Variants in ASXL2 observed in about 807,000 individuals in gnomAD.
ASXL2 encodes the protein putative Polycomb group protein ASXL2.
In ASXL2, 23 loss-of-function variants were observed where a neutral mutation model predicts 122.0. The observed-to-expected ratio is 0.19, with a 90% CI of 0.14 to 0.27. The LOEUF is 0.27. ASXL2 is among the 10% of genes least tolerant of loss of function. The pLI is 1.00. For missense variants in ASXL2, 1,518 were observed against 1,713.8 expected, an observed-to-expected ratio of 0.89 and a Z score of 2.02; for synonymous variants, 650 against 637.0, an observed-to-expected ratio of 1.02 and a Z score of -0.31.
chr2:25,739,493 T>C lies in ASXL2; in HGVS notation c.*2536A>G, dbSNP rs2087792289. On this transcript the variant is annotated 3_prime_UTR_variant, in exon 13 of 13. Transcript: ENST00000435504. ...AAGTTACTACCCAACTGAGAGAACT[T>C]AACTGTTCTCTTGTCTGGTCAAGAT... is the stretch of plus-strand genomic sequence containing the variant. The C allele has an allele frequency of 5.3e-6, 1 of 187,892 alleles. No individual in the cohort carries two copies. Among genetic ancestry groups the C allele is most frequent in the Non-Finnish European group, 1.1e-5 (1 of 89,046 alleles). 11.6% of individuals were successfully genotyped at this position (187,892 alleles called of 1,614,324 possible).
intron 3 of ASXL2, among the ~76,000 whole-genome samples, chr2:25,814,070 A>T (rs1029837794): frequency 4.6e-5 from 7 of 152,322 alleles, no homozygotes; most frequent in South Asian, 2.1e-4. Flanking sequence ...AAATAAAAAA[A>T]AAAGAATAAC....
In ASXL2 at chr2:25,734,102, T is replaced by G. The variant is rs1387447390; in HGVS notation, c.*7927A>C. The stretch of plus-strand genomic sequence containing the variant: ...AGGTCAAAGCACTTACAGCTAAGTG[T>G]TTTTTTTTCTTTCAAATTTCTAGAG... On this transcript the variant is annotated 3_prime_UTR_variant, in exon 13 of 13. Coordinates refer to ENST00000435504, the MANE Select transcript of ASXL2 (RefSeq NM_018263.6). 1.3e-5 allele frequency: 2 copies of G among 149,902 alleles called. No homozygotes were observed. Among genetic ancestry groups the G allele is most frequent in the Non-Finnish European group, 1.5e-5 (1 of 67,078 alleles). 9.3% of individuals were successfully genotyped at this position (149,902 alleles called of 1,614,324 possible).
chr2:25,786,390 GC>G (rs2088747159), intron 5 of ASXL2, among the ~76,000 whole-genome samples: 1 of 151,804 alleles, frequency 6.6e-6, no homozygotes, highest in Non-Finnish European at 1.5e-5. Context: ...ACAGGCGCAT[GC>G]CACCACGCCC....
chr2:25,750,781 G>A (rs922435533), intron 11 of ASXL2, among the ~76,000 whole-genome samples: 4 of 152,180 alleles, frequency 2.6e-5, no homozygotes, highest in Admixed American at 2.6e-4. Context: ...TATTACTTCT[G>A]CTTATAGAGG....
intron 11 of ASXL2, among the ~76,000 whole-genome samples, chr2:25,750,855 C>A (rs1163637869): frequency 1.3e-5 from 2 of 152,170 alleles, no homozygotes; most frequent in Non-Finnish European, 2.9e-5. Flanking sequence ...AAGCCCAAGA[C>A]CCTTCCACCC....
chr2:25,817,528 TTTCACTGA>T (rs1424139499), intron 3 of ASXL2, among the ~76,000 whole-genome samples: 1 of 152,214 alleles, frequency 6.6e-6, no homozygotes, highest in Non-Finnish European at 1.5e-5. Context: ...TGTACATTTT[TTTCACTGA>T]TTAATTTAAT....
At chr2:25,808,162 T>C (rs2089112907) in intron 3 of ASXL2, among the ~76,000 whole-genome samples, 2 of 152,242 alleles carry the variant, frequency 1.3e-5, no homozygotes, top group South Asian at 4.1e-4. Flanking sequence ...TCTTCCCTTG[T>C]GTGGTATTAG....
At chr2:25,803,933 GT>G (rs1325998617) in intron 4 of ASXL2, among the ~76,000 whole-genome samples, 1 of 152,194 alleles carries the variant, frequency 6.6e-6, no homozygotes. Context: ...CACACATCTG[GT>G]GTTAGAAGTA....
Position 25,863,972 on chromosome 2 carries a change from C to T in ASXL2, c.57+14194G>A, listed in dbSNP as rs145741556. On this transcript the variant is annotated intron_variant, in intron 1 of 12. Coordinates refer to ENST00000435504, the MANE Select transcript of ASXL2 (RefSeq NM_018263.6). ...AGTAAGCTGAGATCACGCCACTGCACGCCAGCCTGGGTAACAGAGCGAGAC... is the reference window on the plus strand; with the variant it reads ...AGTAAGCTGAGATCACGCCACTGCATGCCAGCCTGGGTAACAGAGCGAGAC... Among the ~76,000 whole-genome samples the T allele has an allele frequency of 8.7e-3, 1,289 of 148,586 alleles. 27 individuals carry two copies. The highest frequency in any genetic ancestry group is 0.03 in the African/African-American group (1,205 of 40,064).
intron 3 of ASXL2, among the ~76,000 whole-genome samples, chr2:25,808,674 T>C (rs1230524131): frequency 6.6e-6 from 1 of 152,216 alleles, no homozygotes; most frequent in African/African-American, 2.4e-5. Context: ...ATCAAGCCTT[T>C]TTTGTTTTGT....
chr2:25,745,331 G>A (rs1258294318), intron 12 of ASXL2, among the ~76,000 whole-genome samples: 1 of 151,184 alleles, frequency 6.6e-6, no homozygotes, highest in East Asian at 2.0e-4. Flanking sequence ...TTGTGCGTCT[G>A]CCACCCGAGT....
intron 3 of ASXL2, among the ~76,000 whole-genome samples, chr2:25,826,935 T>C (rs892904783): frequency 5.3e-5 from 8 of 151,790 alleles, no homozygotes; most frequent in Admixed American, 3.3e-4. Context: ...CAAATGCTCC[T>C]TCCTCCTCAG....
chr2:25,756,209 T>C (rs932692279), intron 9 of ASXL2, 95 bp from the exon 10 acceptor site: 2 of 557,442 alleles, frequency 3.6e-6, no homozygotes, highest in Admixed American at 3.8e-5. Context: ...AGAATGTATA[T>C]ATATTTATTT....
intron 1 of ASXL2, among the ~76,000 whole-genome samples, chr2:25,860,080 G>C (rs1482722630): frequency 3.3e-5 from 5 of 152,042 alleles, no homozygotes; most frequent in Non-Finnish European, 5.9e-5. Context: ...CCAGCACTTT[G>C]GGAGGCCGAG....
intron 8 of ASXL2, among the ~76,000 whole-genome samples, chr2:25,764,471 A>T (rs1382020223): frequency 6.6e-6 from 1 of 152,202 alleles, no homozygotes; most frequent in Non-Finnish European, 1.5e-5. Flanking sequence ...AAAATCTCAT[A>T]ATGTTTTAAG....
chr2:25,874,007 G>A (rs149754147), intron 1 of ASXL2, among the ~76,000 whole-genome samples: 1 of 152,296 alleles, frequency 6.6e-6, no homozygotes, highest in African/African-American at 2.4e-5. Flanking sequence ...CAAATATTTA[G>A]ATGATTCATC....
At chr2:25,864,656 C>A (rs1426977946) in intron 1 of ASXL2, among the ~76,000 whole-genome samples, 2 of 151,736 alleles carry the variant, frequency 1.3e-5, no homozygotes, top group African/African-American at 4.8e-5. Flanking sequence ...ATATCTCAAA[C>A]TTTAGTACTA....
chr2:25,810,986 G>T (rs993459515), intron 3 of ASXL2, among the ~76,000 whole-genome samples: 4 of 151,188 alleles, frequency 2.6e-5, no homozygotes, highest in African/African-American at 9.7e-5. Flanking sequence ...AAGCACTTTG[G>T]GAGGCTGAGG....
chr2:25,743,606 C>T lies in ASXL2; in HGVS notation c.2731G>A (p.Ala911Thr), dbSNP rs2087882562. The change falls in exon 13 of 13, where the codon GCT becomes ACT. Residue 911 changes from alanine to threonine, a missense_variant. Ala to Thr is a moderately conservative substitution (Grantham distance 58, BLOSUM62 0). Around this residue, in one of 8 missense-constraint regions of ASXL2, gnomAD observed 831 missense variants for 833.1 expected, o/e 1.00. Coordinates refer to ENST00000435504, the MANE Select transcript of ASXL2 (RefSeq NM_018263.6). ...VPQVSATTAP[A>T]GSAPPSSTLP... ...GTGCTCGAGGGTGGAGCTGATCCAG[C>T]AGGTGCTGTAGTTGCACTGACCTGG... The T allele has an allele frequency of 6.2e-7, 1 of 1,613,862 alleles. No individual in the cohort carries two copies. The highest frequency in any genetic ancestry group is 1.3e-5 in the African/African-American group (1 of 74,908).
Sources: gnomAD v4.1 joint callset for allele counts (sites outside exome capture counted in the v4.1 genomes callset) on GRCh38, gnomAD v4.1.1 for gene constraint, gnomAD v4.1.1 regional missense constraint, MANE v1.5 for transcripts, NCBI Gene and HGNC (gene_info 2026-07-23, HGNC 2026-07-21) for gene names.